ATP8A2: variants seen among roughly 807,000 people sequenced by gnomAD.
ATP8A2 encodes ATPase phospholipid transporting 8A2.
A neutral mutation model predicts 165.6 loss-of-function variants in ATP8A2; 100 were observed. The observed-to-expected ratio is 0.60, with a 90% CI of 0.51 to 0.71. The LOEUF (loss-of-function observed/expected upper bound fraction) is 0.71, where lower values mean the gene tolerates loss of function less well. ATP8A2 is among the 30% of genes least tolerant of loss of function. The pLI, the probability that ATP8A2 is intolerant of heterozygous loss-of-function variation, is 0.00. For synonymous variants in ATP8A2, 543 were observed against 548.8 expected (o/e 0.99, Z 0.15); for missense variants, 1,227 against 1,479.5 (o/e 0.83, Z 2.80).
chr13:25,531,030 C>G (rs1397631658), intron 4 of ATP8A2, among the ~76,000 whole-genome samples: 1 of 151,664 alleles, frequency 6.6e-6, no homozygotes, highest in Admixed American at 6.6e-5. Flanking sequence ...AGAATCTTCT[C>G]CCCTCACAAT....
chr13:25,975,522 C>T (rs1956013549), intron 35 of ATP8A2, among the ~76,000 whole-genome samples: 1 of 151,538 alleles, frequency 6.6e-6, no homozygotes, highest in African/African-American at 2.4e-5. Context: ...GCGGAGCTTG[C>T]GGTGAGCCGA....
chr13:25,960,501 G>A (rs1208310361), intron 33 of ATP8A2, among the ~76,000 whole-genome samples: 1 of 151,958 alleles, frequency 6.6e-6, no homozygotes, highest in Non-Finnish European at 1.5e-5. Flanking sequence ...ATTCCAGTAG[G>A]ACCAAATGTT....
intron 33 of ATP8A2, among the ~76,000 whole-genome samples, chr13:25,921,081 C>CACAAA (rs890927785): frequency 6.6e-6 from 1 of 151,776 alleles, no homozygotes; most frequent in Non-Finnish European, 1.5e-5. Flanking sequence ...AAACATAAAC[C>CACAAA]ACAAAACAAA....
intron 2 of ATP8A2, among the ~76,000 whole-genome samples, chr13:25,484,554 G>A (rs1481313447): frequency 6.6e-6 from 1 of 151,836 alleles, no homozygotes; most frequent in Non-Finnish European, 1.5e-5. Flanking sequence ...TCTCGCTGTT[G>A]CCCAGGCTGG....
At chr13:25,809,248 G>T (rs1322002023) in intron 27 of ATP8A2, among the ~76,000 whole-genome samples, 8 of 152,062 alleles carry the variant, frequency 5.3e-5, no homozygotes. Context: ...CACTATTTGG[G>T]TGACATGATC....
chr13:25,766,604 G>A (rs149933825), intron 25 of ATP8A2, among the ~76,000 whole-genome samples: 2 of 152,220 alleles, frequency 1.3e-5, no homozygotes, highest in East Asian at 1.9e-4. Context: ...GCTTCACAAC[G>A]ACATATCATG....
chr13:25,444,933 C>T (rs892145019), intron 1 of ATP8A2, among the ~76,000 whole-genome samples: 8 of 152,196 alleles, frequency 5.3e-5, no homozygotes, highest in East Asian at 1.9e-4. Flanking sequence ...CCACCACACC[C>T]GGCCCCGAGC....
At chr13:25,742,223 T>A (rs1312872095) in intron 25 of ATP8A2, among the ~76,000 whole-genome samples, 3 of 152,082 alleles carry the variant, frequency 2.0e-5, no homozygotes, top group Non-Finnish European at 4.4e-5. Context: ...ACTAAACACA[T>A]CCTAAACATA....
intron 33 of ATP8A2, among the ~76,000 whole-genome samples, chr13:25,930,790 T>C (rs768847851): frequency 1.3e-5 from 2 of 152,114 alleles, no homozygotes; most frequent in Admixed American, 6.5e-5. Flanking sequence ...GTCTGTCAGA[T>C]AGAATCTCAG....
chr13:25,938,536 C>CAT (rs1239688823), intron 33 of ATP8A2, among the ~76,000 whole-genome samples: 3 of 152,152 alleles, frequency 2.0e-5, no homozygotes, highest in Non-Finnish European at 4.4e-5. Context: ...CCTAAACATG[C>CAT]ATGTGTGTGT....
At chr13:25,862,629 T>C (rs1952392193) in intron 33 of ATP8A2, among the ~76,000 whole-genome samples, 1 of 152,218 alleles carries the variant, frequency 6.6e-6, no homozygotes, top group African/African-American at 2.4e-5. Flanking sequence ...TCAAGTATTA[T>C]GAAAACTGTC....
At chr13:25,593,336 A>G (rs183737776) in intron 24 of ATP8A2, among the ~76,000 whole-genome samples, 4 of 152,286 alleles carry the variant, frequency 2.6e-5, no homozygotes, top group African/African-American at 4.8e-5. Flanking sequence ...CCTGGCCCCT[A>G]TCAGTTTCAT....
intron 24 of ATP8A2, among the ~76,000 whole-genome samples, chr13:25,694,113 GGAA>G (rs71816170): frequency 0.1 from 15,926 of 152,130 alleles, 946 homozygotes; most frequent in East Asian, 0.26. Context: ...CTCCTGCCAA[GGAA>G]GAAGAACCAT....
intron 28 of ATP8A2, among the ~76,000 whole-genome samples, chr13:25,836,329 C>T (rs543686864): frequency 2.0e-5 from 3 of 152,262 alleles, no homozygotes; most frequent in East Asian, 1.9e-4. Context: ...CAGTGGCCTC[C>T]TATAAACGTT....
chr13:26,004,206 G>GT (rs1394666542), intron 35 of ATP8A2, among the ~76,000 whole-genome samples: 1 of 151,918 alleles, frequency 6.6e-6, no homozygotes, highest in Admixed American at 6.6e-5. Context: ...GTGTTTTGTA[G>GT]TTTTCTCTAT....
chr13:26,019,619 C>T (rs1593726382), intron 36 of ATP8A2, among the ~76,000 whole-genome samples: 1 of 152,268 alleles, frequency 6.6e-6, no homozygotes, highest in Admixed American at 6.5e-5. Flanking sequence ...TCAGCCGCAG[C>T]CCCCTAGAAA....
chr13:25,375,006 CTCTTA>C (rs1255378430), intron 1 of ATP8A2, among the ~76,000 whole-genome samples: 3 of 152,178 alleles, frequency 2.0e-5, no homozygotes, highest in African/African-American at 7.2e-5. Flanking sequence ...CCATCTTTGA[CTCTTA>C]TCTTGTTCTG....
intron 2 of ATP8A2, among the ~76,000 whole-genome samples, chr13:25,487,539 A>G (rs1478830592): frequency 6.6e-6 from 1 of 152,140 alleles, no homozygotes; most frequent in East Asian, 1.9e-4. Context: ...AGTGCTTTAT[A>G]TATTTTGCTG....
chr13:25,707,713 T>C (rs952797308), intron 25 of ATP8A2, among the ~76,000 whole-genome samples: 5 of 152,192 alleles, frequency 3.3e-5, no homozygotes, highest in African/African-American at 9.6e-5. Context: ...TCTTTGGAGT[T>C]TTTTTGGCTT....
Sources: allele counts gnomAD v4.1 joint callset (sites outside exome capture counted in the v4.1 genomes callset), GRCh38; gene constraint gnomAD v4.1.1; transcripts MANE v1.5; gene names NCBI Gene and HGNC (gene_info 2026-07-23, HGNC 2026-07-21).